Variants in DSP observed in about 807,000 individuals in gnomAD.
The protein encoded by DSP is desmoplakin, also known as 250/210 kDa paraneoplastic pemphigus antigen.
In DSP, 114 loss-of-function variants were observed where a neutral mutation model predicts 290.6. The ratio of observed to expected loss-of-function variants is 0.39; its 90% CI spans 0.34 to 0.46. DSP has a LOEUF of 0.46. Ranked by LOEUF, DSP falls within the 20% of genes least tolerant of loss-of-function variation. The pLI, the probability that DSP is intolerant of heterozygous loss-of-function variation, is 0.99. For synonymous variants in DSP, 1,311 were observed against 1,316.4 expected (o/e 1.00, Z 0.09); for missense variants, 3,230 against 3,495.8 (o/e 0.92, Z 1.92).
rs778068911 is a variant in DSP at position 7,584,636 on chromosome 6, G to T, written c.7374G>T (p.Lys2458Asn). The T allele has an allele frequency of 1.9e-6, 3 of 1,614,116 alleles. No homozygotes were observed. The highest frequency in any genetic ancestry group is 1.1e-5 in the South Asian group (1 of 91,088). The change falls in exon 24 of 24, where the codon AAG (lysine) becomes AAT (asparagine). Residue 2458 changes from lysine to asparagine, a missense_variant. By Grantham distance (94) the Lys-to-Asn change is moderately conservative (BLOSUM62 0). Coordinates refer to ENST00000379802, the MANE Select transcript of DSP (RefSeq NM_004415.4). This position sits in a 1 kb window ranked among gnomAD's most constrained non-coding sequence, Gnocchi z 6.4. ...EKKKQVQTSQ[K>N]NTLRKRRVVI... is the part of the protein sequence containing the mutation. ...AGAAACAGGTGCAGACATCACAAAA[G>T]AATACCCTCAGGAAGCGTAGAGTGG...
chr6:7,584,825 T>C lies in DSP; in HGVS notation c.7563T>C (p.Asp2521=), dbSNP rs984412074. ...GCTCCACCAGGGTGGTCCTGGTAGA[T>C]AGAAAGACAGGCAGTCAGTATGATA... ...SDGSTRVVLV[D]RKTGSQYDIQ... The change falls in exon 24 of 24, where the codon GAT becomes GAC. Residue 2521 remains aspartate, a synonymous_variant. Coordinates refer to ENST00000379802, the MANE Select transcript of DSP (RefSeq NM_004415.4). The surrounding 1 kb of genome is among the most constrained non-coding windows in gnomAD (Gnocchi z 6.4). The C allele has an allele frequency of 1.3e-5, 21 of 1,614,062 alleles. No individual in the cohort carries two copies. In the Admixed American group the frequency reaches 2.7e-4, roughly 20 times the overall value.
rs762841263 is a variant in DSP, at chr6:7,581,341, C to T, written c.5151C>T (p.His1717=). 4 of 1,614,066 alleles carry T rather than the reference C, an allele frequency of 2.5e-6. No individual in the cohort carries two copies. The highest frequency in any genetic ancestry group is 2.2e-5 in the South Asian group (2 of 91,088). The change falls in exon 23 of 24, where the codon CAC becomes CAT. Residue 1717 remains histidine (H), a synonymous_variant. Coordinates refer to ENST00000379802, the MANE Select transcript of DSP (RefSeq NM_004415.4). ...TCACAGAGAACCTGACCAAGGAGCA[C>T]TTGATGTTAGAAGAAGAACTGCGGA... ...QSLTENLTKE[H]LMLEEELRNL... is the part of the protein sequence containing the mutation.
At position 7,541,688 on chromosome 6, in the gene DSP, C is replaced by T; in HGVS notation, c.-228C>T. 1 of 573,222 alleles carries T rather than the reference C, an allele frequency of 1.7e-6. No homozygotes were observed. The allele number at this position is 573,222 out of a possible 1,614,324, so 35.5% of individuals were successfully genotyped here. On this transcript the variant is annotated 5_prime_UTR_variant, in exon 1 of 24. Coordinates refer to ENST00000379802, the MANE Select transcript of DSP (RefSeq NM_004415.4). ...ACGCAGCTCCTCTGCGCCCTTGCCG[C>T]CCTCCGAGCCACAGCTTTCCTCCCG... is the stretch of plus-strand genomic sequence containing the variant.
intron 10 of DSP, 21 bp downstream of exon 10, chr6:7,567,927 C>T (rs752018791): frequency 1.1e-5 from 18 of 1,612,446 alleles, no homozygotes; most frequent in Non-Finnish European, 1.4e-5. Flanking sequence ...AGACCCAGAA[C>T]CTCAGCAGCT....
chr6:7,546,614 G>A (rs1400664621), intron 1 of DSP, among the ~76,000 whole-genome samples: 4 of 152,214 alleles, frequency 2.6e-5, no homozygotes, highest in African/African-American at 9.7e-5. Flanking sequence ...AATGACGCAA[G>A]AGAAGATTAA....
At position 7,583,755 on chromosome 6, in the gene DSP, C is replaced by T; in HGVS notation, c.6493C>T (p.Pro2165Ser). The T allele has an allele frequency of 1.2e-6, 2 of 1,614,002 alleles. No homozygotes were observed. Among genetic ancestry groups the T allele is most frequent in the East Asian group, 2.2e-5 (1 of 44,866 alleles). The change falls in exon 24 of 24, where the codon CCC becomes TCC. Residue 2165 changes from proline (P) to serine (S), a missense_variant. Coordinates refer to ENST00000379802, the MANE Select transcript of DSP (RefSeq NM_004415.4). This position sits in a 1 kb window ranked among gnomAD's most constrained non-coding sequence, Gnocchi z 4.0. ...AGATTTGTATCGATCCCTGAATGAT[C>T]CCCGAGATAGTCAGAAAAACTTTGT... ...DRDLYRSLNDPRDSQKNFVDP... is the reference protein window; with the variant it reads ...DRDLYRSLNDSRDSQKNFVDP...
chr6:7,559,531 A>AT (rs1156479258), intron 4 of DSP, 131 bp downstream of exon 4: 26 of 1,114,830 alleles, frequency 2.3e-5, no homozygotes, highest in Non-Finnish European at 3.2e-5. Context: ...TGTTTGCAGG[A>AT]TTTTCCTCCT....
chr6:7,576,233 C>T, intron 18 of DSP, 61 bp from the exon 19 acceptor site: 1 of 1,569,872 alleles, frequency 6.4e-7, no homozygotes, highest in Non-Finnish European at 8.7e-7. Flanking sequence ...CTGGGTGATT[C>T]TATGTTACAT....
rs755777329 is a variant in DSP, at chr6:7,541,963, C to T, written c.48C>T (p.Arg16=). The T allele has an allele frequency of 6.2e-7, 1 of 1,608,174 alleles. No homozygotes were observed. Among genetic ancestry groups the T allele is most frequent in the Admixed American group, 1.7e-5 (1 of 59,588 alleles). ...GSHPRINTLG[R]MIRAESGPDL... ...ACCCGCGGATCAACACTCTGGGCCG[C>T]ATGATCCGCGCCGAGTCTGGCCCGG... The change falls in exon 1 of 24, where the codon CGC becomes CGT. Residue 16 remains arginine (R), a synonymous_variant. Coordinates refer to ENST00000379802, the MANE Select transcript of DSP (RefSeq NM_004415.4).
chr6:7,555,901 G>C, intron 2 of DSP, 81 bp downstream of exon 2: 4 of 1,320,946 alleles, frequency 3.0e-6, no homozygotes, highest in Non-Finnish European at 4.3e-6. Flanking sequence ...TGCTGGCCGG[G>C]GCCTATTCAC....
rs771976131 is a variant in DSP at position 7,585,654 on chromosome 6, A to T, written c.8392A>T (p.Thr2798Ser). 1.2e-5 allele frequency: 20 copies of T among 1,614,236 alleles called. No individual in the cohort carries two copies. The highest frequency in any genetic ancestry group is 1.7e-5 in the Non-Finnish European group (20 of 1,180,044). ...AINRSMVEDI[T>S]GLRLLEAASV... Reference sequence around the variant, plus strand: ...AAATCGCTCCATGGTAGAAGATATCACTGGGCTGCGCCTTCTGGAAGCCGC... The same window carrying T: ...AAATCGCTCCATGGTAGAAGATATCTCTGGGCTGCGCCTTCTGGAAGCCGC... The change falls in exon 24 of 24, where the codon ACT becomes TCT. Residue 2798 changes from threonine (T) to serine (S), a missense_variant. By Grantham distance (58) the Thr-to-Ser change is moderately conservative. Transcript: ENST00000379802.
At chr6:7,573,994 T>C in intron 15 of DSP, 92 bp from the exon 16 acceptor site, 3 of 1,295,672 alleles carry the variant, frequency 2.3e-6, no homozygotes, top group Admixed American at 1.7e-5. Flanking sequence ...ACTGTGTCTA[T>C]GTGTATTAAA....
intron 2 of DSP, among the ~76,000 whole-genome samples, chr6:7,557,254 T>G (rs892031753): frequency 3.3e-5 from 5 of 152,158 alleles, no homozygotes; most frequent in Admixed American, 2.6e-4. Flanking sequence ...GTTGCAAAAA[T>G]AGTACAAAGG....
chr6:7,558,223 G>T lies in DSP; in HGVS notation c.381G>T (p.Glu127Asp). 6.2e-7 allele frequency: 1 copy of T among 1,614,244 alleles called. No individual in the cohort carries two copies. The highest frequency in any genetic ancestry group is 8.5e-7 in the Non-Finnish European group (1 of 1,180,042). Residue 127 changes from glutamate (E) to aspartate (D), a missense_variant, in exon 3 of 24, where the codon GAG (glutamate) becomes GAT (aspartate). Physicochemically the swap from Glu to Asp is conservative, Grantham distance 45. This residue lies in a region of DSP where 646 missense variants were observed against 684.3 expected (regional missense o/e 0.94). Coordinates refer to ENST00000379802, the MANE Select transcript of DSP (RefSeq NM_004415.4). ...AAATCCTCGACAGCTTGATCAGAGA[G>T]ATGCGGCAGATGGGCCAGCCCTGTG... The part of the protein sequence containing the change: ...QMEILDSLIR[E>D]MRQMGQPCDA...
At chr6:7,563,061 C>T (rs148277236) in intron 5 of DSP, among the ~76,000 whole-genome samples, 1 of 152,284 alleles carries the variant, frequency 6.6e-6, no homozygotes, top group East Asian at 1.9e-4. Flanking sequence ...TTTGTTTCTG[C>T]GGTAAGCAGA....
chr6:7,559,368 A>G lies in DSP; in HGVS notation c.565A>G (p.Ser189Gly), dbSNP rs754038223. 2 of 1,613,152 alleles carry G rather than the reference A, an allele frequency of 1.2e-6. No homozygotes were observed. The highest frequency in any genetic ancestry group is 1.7e-6 in the Non-Finnish European group (2 of 1,180,032). ...GGATGAGTTCACCAAACATGTCACC[A>G]GTGAATGTTTGGGGTGGATGAGGCA... is the stretch of plus-strand genomic sequence containing the variant. ...GWDEFTKHVTSECLGWMRQQR... is the reference protein window; with the variant it reads ...GWDEFTKHVTGECLGWMRQQR... The change falls in exon 4 of 24, where the codon AGT (serine) becomes GGT (glycine). Residue 189 changes from serine to glycine, a missense_variant. This residue lies in a region of DSP where 646 missense variants were observed against 684.3 expected (regional missense o/e 0.94). Coordinates refer to ENST00000379802, the MANE Select transcript of DSP (RefSeq NM_004415.4).
rs1759556622 is a variant in DSP at position 7,584,298 on chromosome 6, A to G, written c.7036A>G (p.Asn2346Asp). 1 of 1,614,096 alleles carries G rather than the reference A, an allele frequency of 6.2e-7. No individual in the cohort carries two copies. The highest frequency in any genetic ancestry group is 1.1e-5 in the South Asian group (1 of 91,078). The change falls in exon 24 of 24, where the codon AAC (asparagine) becomes GAC (aspartate). Residue 2346 changes from asparagine to aspartate, a missense_variant. This residue lies in a region of DSP where 207 missense variants were observed against 281.2 expected (regional missense o/e 0.74). Coordinates refer to ENST00000379802, the MANE Select transcript of DSP (RefSeq NM_004415.4). This position sits in a 1 kb window ranked among gnomAD's most constrained non-coding sequence, Gnocchi z 6.4. ...VTGYNDPETGNIISLFQAMNK... is the reference protein window; with the variant it reads ...VTGYNDPETGDIISLFQAMNK... ...TGGGTATAATGATCCTGAAACAGGA[A>G]ACATCATCTCTTTGTTCCAAGCCAT...
At chr6:7,568,303 T>TCAG in intron 10 of DSP, 134 bp from the exon 11 acceptor site, 1 of 1,012,650 alleles carries the variant, frequency 9.9e-7, no homozygotes. Flanking sequence ...TGCCGACGAA[T>TCAG]TTGTGATTTT....
intron 4 of DSP, among the ~76,000 whole-genome samples, chr6:7,562,370 T>C (rs974545617): frequency 6.8e-6 from 1 of 146,230 alleles, no homozygotes; most frequent in African/African-American, 2.5e-5. Flanking sequence ...ACAGGTAGAT[T>C]TGGTTTTTTT....
Sources: allele counts gnomAD v4.1 joint callset (sites outside exome capture counted in the v4.1 genomes callset), GRCh38; gene constraint gnomAD v4.1.1; regional missense constraint gnomAD v4.1.1; non-coding constraint Gnocchi (gnomAD v3.1); transcripts MANE v1.5; gene names NCBI Gene and HGNC (gene_info 2026-07-23, HGNC 2026-07-21).